Variants in NTRK3 observed in about 807,000 individuals in gnomAD.
NTRK3 encodes NT-3 growth factor receptor.
Under a neutral mutation model 91.7 loss-of-function variants are expected in NTRK3, and 24 were observed. The ratio of observed to expected loss-of-function variants is 0.26; its 90% CI spans 0.19 to 0.37. The LOEUF (loss-of-function observed/expected upper bound fraction) is 0.37. NTRK3 is among the 10% of genes least tolerant of loss of function. The pLI is 1.00. For synonymous variants in NTRK3, 483 were observed against 404.0 expected, an observed-to-expected ratio of 1.20 and a Z score of -2.34; for missense variants, 880 against 1,068.9, an observed-to-expected ratio of 0.82 and a Z score of 2.46.
At chr15:88,025,991 G>T (rs1024115787) in intron 14 of NTRK3, among the ~76,000 whole-genome samples, 1 of 152,136 alleles carries the variant, frequency 6.6e-6, no homozygotes, top group Non-Finnish European at 1.5e-5. Flanking sequence ...GAGCTATCAG[G>T]CCAGGCACGG....
At chr15:87,996,950 G>A (rs1424707289) in intron 14 of NTRK3, among the ~76,000 whole-genome samples, 1 of 152,218 alleles carries the variant, frequency 6.6e-6, no homozygotes, top group African/African-American at 2.4e-5. Context: ...TTAAGAGGCA[G>A]GAGATACAAC....
At chr15:88,216,046 C>T (rs1389249449) in intron 3 of NTRK3, among the ~76,000 whole-genome samples, 3 of 152,178 alleles carry the variant, frequency 2.0e-5, no homozygotes, top group Non-Finnish European at 4.4e-5. Flanking sequence ...TGTCATAAGA[C>T]TTGAACAAAA....
chr15:88,183,534 G>C (rs114848993), intron 4 of NTRK3, 45 bp from the exon 5 acceptor site: 3 of 1,554,984 alleles, frequency 1.9e-6, no homozygotes, highest in Admixed American at 3.3e-5. Context: ...AAGTGGCAGA[G>C]GGATATCTGC....
intron 13 of NTRK3, among the ~76,000 whole-genome samples, chr15:88,102,036 A>C (rs1014519530): frequency 6.6e-6 from 1 of 152,148 alleles, no homozygotes; most frequent in African/African-American, 2.4e-5. Flanking sequence ...TAAAATAAAA[A>C]AATAAAATAG....
chr15:87,881,998 C>T (rs1309025408), intron 17 of NTRK3, among the ~76,000 whole-genome samples: 1 of 152,114 alleles, frequency 6.6e-6, no homozygotes, highest in Non-Finnish European at 1.5e-5. Context: ...TGGGTTCAAG[C>T]GATTCCCCTG....
intron 13 of NTRK3, among the ~76,000 whole-genome samples, chr15:88,090,161 C>T (rs1263811887): frequency 6.6e-6 from 1 of 152,228 alleles, no homozygotes; most frequent in Non-Finnish European, 1.5e-5. Flanking sequence ...TCTCCACCAG[C>T]CTGTGCCCTC....
At chr15:87,992,610 G>A (rs2141511238) in intron 14 of NTRK3, among the ~76,000 whole-genome samples, 1 of 152,342 alleles carries the variant, frequency 6.6e-6, no homozygotes, top group Non-Finnish European at 1.5e-5. Flanking sequence ...ACTTGCCCAG[G>A]CAATGAGCAA....
intron 13 of NTRK3, among the ~76,000 whole-genome samples, chr15:88,094,721 C>T (rs1236570414): frequency 6.6e-6 from 1 of 152,198 alleles, no homozygotes; most frequent in Admixed American, 6.5e-5. Context: ...CTGATGTCTA[C>T]AGCCCTAGCT....
At chr15:88,093,705 A>G (rs1250315984) in intron 13 of NTRK3, among the ~76,000 whole-genome samples, 1 of 152,196 alleles carries the variant, frequency 6.6e-6, no homozygotes, top group African/African-American at 2.4e-5. Flanking sequence ...ATAATCTGCC[A>G]TGAGCACTAT....
intron 3 of NTRK3, among the ~76,000 whole-genome samples, chr15:88,218,918 C>A (rs866377696): frequency 6.6e-6 from 1 of 152,226 alleles, no homozygotes; most frequent in African/African-American, 2.4e-5. Context: ...CCTTTAAGGC[C>A]TTCCTCCATT....
chr15:87,885,578 G>C, intron 17 of NTRK3, 116 bp downstream of exon 18: 1 of 551,534 alleles, frequency 1.8e-6, no homozygotes, highest in East Asian at 3.3e-5. Flanking sequence ...AAACTAGAGA[G>C]TCCAGAGGCA....
intron 5 of NTRK3, among the ~76,000 whole-genome samples, chr15:88,177,406 A>G (rs900137537): frequency 2.6e-5 from 4 of 152,228 alleles, no homozygotes; most frequent in Admixed American, 1.3e-4. Flanking sequence ...GACTTGGACC[A>G]AGACAATAGA....
chr15:88,206,674 A>C lies in NTRK3; in HGVS notation c.249-22375T>G, dbSNP rs865913904. On this transcript the variant is annotated intron_variant, in intron 3 of 18. Coordinates refer to ENST00000394480, the Ensembl canonical transcript of NTRK3. ...CTCCGTCTCGAAAAAAAAAAAAAAA[A>C]AAACAAACCTCTCCAGAAACCTCAA... Among the ~76,000 whole-genome samples, 78 of 149,712 alleles carry C rather than the reference A, an allele frequency of 5.2e-4. No individual in the cohort carries two copies. In the Middle Eastern group the frequency reaches 0.021, roughly 39 times the overall value.
At chr15:88,109,402 A>C (rs1380847909) in intron 13 of NTRK3, among the ~76,000 whole-genome samples, 2 of 152,234 alleles carry the variant, frequency 1.3e-5, no homozygotes, top group African/African-American at 2.4e-5. Flanking sequence ...AATACCTGAC[A>C]TTAAGCAAGG....
At chr15:88,055,929 C>T (rs571396040) in intron 13 of NTRK3, among the ~76,000 whole-genome samples, 1 of 152,076 alleles carries the variant, frequency 6.6e-6, no homozygotes, top group South Asian at 2.1e-4. Context: ...TCTATCTTAT[C>T]GTTCCCATTG....
Position 87,910,523 on chromosome 15 carries a change from C to A in NTRK3, c.2133+18668G>T, listed in dbSNP as rs565880677. ...ATGCCGTGTTTCAGTCTCCAGTGAA[C>A]TCTCCAGGGGAGGCTTACAGATTAA... is the stretch of plus-strand genomic sequence containing the variant. On this transcript the variant is annotated intron_variant, in intron 17 of 18. Coordinates refer to ENST00000394480, the Ensembl canonical transcript of NTRK3. 2.6e-5 allele frequency among the ~76,000 whole-genome samples: 4 copies of A among 152,334 alleles called. No homozygotes were observed. In the East Asian group the frequency reaches 7.7e-4, roughly 29 times the overall value.
chr15:88,189,135 C>A (rs1213042721), intron 3 of NTRK3, among the ~76,000 whole-genome samples: 1 of 152,160 alleles, frequency 6.6e-6, no homozygotes, highest in Non-Finnish European at 1.5e-5. Flanking sequence ...TCAAGGTAGA[C>A]CCCTGGGATC....
chr15:88,236,219 G>A (rs979096327), intron 3 of NTRK3, among the ~76,000 whole-genome samples: 1 of 152,144 alleles, frequency 6.6e-6, no homozygotes, highest in African/African-American at 2.4e-5. Flanking sequence ...GATAAATTCA[G>A]GTTACCCATA....
chr15:87,893,483 A>G (rs1409055316), intron 17 of NTRK3, among the ~76,000 whole-genome samples: 1 of 151,994 alleles, frequency 6.6e-6, no homozygotes, highest in Non-Finnish European at 1.5e-5. Context: ...CTACCTCCCA[A>G]CTCACCCAAC....
Sources: gnomAD v4.1 joint callset for allele counts (sites outside exome capture counted in the v4.1 genomes callset) on GRCh38, gnomAD v4.1.1 for gene constraint, MANE v1.5 for transcripts, NCBI Gene and HGNC (gene_info 2026-07-23, HGNC 2026-07-21) for gene names.